Variants in MTCL1 observed in about 807,000 individuals in gnomAD.
MTCL1 encodes the protein microtubule crosslinking factor 1, also known as microtubule cross-linking factor 1.
A neutral mutation model predicts 141.4 loss-of-function variants in MTCL1; 79 were observed. The ratio of observed to expected loss-of-function variants is 0.56; its 90% CI spans 0.47 to 0.67. MTCL1 has a LOEUF of 0.67. MTCL1 is among the 30% of genes least tolerant of loss of function. The pLI is 0.00. For synonymous variants in MTCL1, 914 were observed against 875.8 expected (o/e 1.04, Z -0.77); for missense variants, 2,177 against 2,113.9 (o/e 1.03, Z -0.59).
At chr18:8,825,601 G>T (rs2076997276) in exon 15 of MTCL1, 1 of 1,613,848 alleles carries the variant, frequency 6.2e-7, no homozygotes, top group African/African-American at 1.3e-5. Context: ...CCTTCCCGGA[G>T]CCTTAGGAGC....
chr18:8,718,756 G>T (rs1308181134), intron 3 of MTCL1, 108 bp downstream of exon 2: 2 of 1,005,034 alleles, frequency 2.0e-6, no homozygotes, highest in Non-Finnish European at 3.1e-6. Context: ...TCTACAGATT[G>T]CAGCATAAAC....
Position 8,792,988 on chromosome 18 carries a change from C to T in MTCL1, c.1888-10C>T. On this transcript the variant is annotated splice_polypyrimidine_tract_variant and intron_variant, in intron 7 of 16. Coordinates refer to ENST00000359865, the Ensembl canonical transcript of MTCL1. ...TTCCACTAAACCCCTTCCTTTATCC[C>T]ACCGATCAGCTCAGGGGCCCCCCCG... The T allele has an allele frequency of 6.2e-7, 1 of 1,613,440 alleles. No individual in the cohort carries two copies. Among genetic ancestry groups the T allele is most frequent in the Non-Finnish European group, 8.5e-7 (1 of 1,179,774 alleles).
chr18:8,813,147 G>A (rs760857569), exon 12 of MTCL1: 76 of 1,614,014 alleles, frequency 4.7e-5, no homozygotes, highest in Non-Finnish European at 6.4e-5. Context: ...CTGGAACCGG[G>A]AGAAGGTGGA....
In MTCL1 at chr18:8,806,920, G is replaced by A. The variant is rs1392472048; in HGVS notation, c.2464G>A (p.Ala822Thr). The change falls in exon 11 of 17, where the codon GCC becomes ACC. Residue 822 changes from alanine (A) to threonine (T), a missense_variant. By Grantham distance (58) the Ala-to-Thr change is moderately conservative. Coordinates refer to ENST00000359865, the Ensembl canonical transcript of MTCL1. ...GGTGGAAAACCAGCAGCTGTTCAGC[G>A]CCTTCAAGGCCTTGCTGGAGGACTT... 19 of 1,613,462 alleles carry A rather than the reference G, an allele frequency of 1.2e-5. No individual in the cohort carries two copies. Among genetic ancestry groups the A allele is most frequent in the East Asian group, 4.5e-5 (2 of 44,896 alleles).
At chr18:8,721,085 A>G (rs968165428) in intron 4 of MTCL1, among the ~76,000 whole-genome samples, 3 of 152,210 alleles carry the variant, frequency 2.0e-5, no homozygotes, top group Non-Finnish European at 4.4e-5. Context: ...GAAAATGAAT[A>G]TATATTTTTT....
chr18:8,706,815 C>T lies in MTCL1; in HGVS notation c.1053+102C>T, dbSNP rs1043455937. On this transcript the variant is annotated intron_variant, in intron 1 of 13. Coordinates refer to the MTCL1 transcript ENST00000306329. ...CCTTCCCGGGCCTGTCCAGCGCCTTCTCCCTCCTGCTCTCCACGGTCCTAC... is the reference window on the plus strand; with the variant it reads ...CCTTCCCGGGCCTGTCCAGCGCCTTTTCCCTCCTGCTCTCCACGGTCCTAC... The T allele has an allele frequency of 4.0e-5, 59 of 1,480,098 alleles. No individual in the cohort carries two copies. In the African/African-American group the frequency reaches 7.1e-4, roughly 18 times the overall value. The allele number at this position is 1,480,098 out of a possible 1,614,324, so 91.7% of individuals were successfully genotyped here. A position where few individuals can be genotyped will look rare whatever the true frequency, so the allele number is the denominator to read the frequency against.
upstream of MTCL1, among the ~76,000 whole-genome samples, chr18:8,715,331 C>T (rs1263684219): frequency 1.3e-5 from 2 of 152,142 alleles, no homozygotes; most frequent in Non-Finnish European, 2.9e-5. Flanking sequence ...CTGTATCTTG[C>T]ATCTTAGGGC....
At chr18:8,801,915 C>A (rs1390688216) in intron 10 of MTCL1, 1 of 152,164 alleles carries the variant, frequency 6.6e-6, no homozygotes, top group Non-Finnish European at 1.5e-5. Flanking sequence ...GGGCAGAGGA[C>A]TTCTGTGTGT....
chr18:8,828,450 T>C lies in MTCL1; in HGVS notation c.4723-458T>C, dbSNP rs768116856. Among the ~76,000 whole-genome samples the C allele has an allele frequency of 9.9e-5, 15 of 152,056 alleles. No homozygotes were observed. Among genetic ancestry groups the C allele is most frequent in the Non-Finnish European group, 2.1e-4 (14 of 68,016 alleles). ...CTTCCTCCCTCCCCTAAGTGGAAAATGTGAGGGGAACTTTTTAGAGTAAGT... is the reference window on the plus strand; with the variant it reads ...CTTCCTCCCTCCCCTAAGTGGAAAACGTGAGGGGAACTTTTTAGAGTAAGT... On this transcript the variant is annotated intron_variant, in intron 15 of 16. Coordinates refer to ENST00000359865, the Ensembl canonical transcript of MTCL1. This position sits in a 1 kb window ranked among gnomAD's most constrained non-coding sequence, Gnocchi z 5.2.
At chr18:8,817,252 CTTTTT>C (rs35022661) in intron 12 of MTCL1, among the ~76,000 whole-genome samples, 2 of 118,260 alleles carry the variant, frequency 1.7e-5, no homozygotes, top group Non-Finnish European at 3.3e-5. Context: ...AAAGCCTTCC[CTTTTT>C]TTTTTTTTTT....
At chr18:8,778,115 C>T in intron 5 of MTCL1, 2 of 468,118 alleles carry the variant, frequency 4.3e-6, no homozygotes, top group Non-Finnish European at 7.5e-6. Context: ...CTGGTGATTT[C>T]TTCAGGAAAA....
chr18:8,771,697 ATATTT>A (rs1568004291), intron 4 of MTCL1, among the ~76,000 whole-genome samples: 2 of 152,238 alleles, frequency 1.3e-5, no homozygotes, highest in African/African-American at 4.8e-5. Flanking sequence ...GCCTAACTTC[ATATTT>A]TATTTAATCA....
chr18:8,786,539 T>C (rs2096556650), intron 7 of MTCL1: 10 of 363,690 alleles, frequency 2.7e-5, no homozygotes, highest in South Asian at 2.0e-4. Flanking sequence ...CGAGTGACAC[T>C]GCTGGCAGGT....
intron 1 of MTCL1, among the ~76,000 whole-genome samples, chr18:8,709,120 A>C (rs570502260): frequency 1.3e-5 from 2 of 152,280 alleles, no homozygotes; most frequent in East Asian, 3.9e-4. Context: ...ATGCCTTTGC[A>C]GTGGTGGTTA....
At chr18:8,783,402 G>A (rs931935814) in intron 5 of MTCL1, 128 bp from the exon 5 acceptor site, 35 of 892,894 alleles carry the variant, frequency 3.9e-5, no homozygotes, top group East Asian at 8.1e-5. Flanking sequence ...GTAACTCAGC[G>A]GCACCGATGG....
rs2096056968 is a variant in MTCL1 at position 8,705,827 on chromosome 18, C to A, written c.167C>A (p.Pro56His). 4 of 1,179,066 alleles carry A rather than the reference C, an allele frequency of 3.4e-6. No individual in the cohort carries two copies. Among genetic ancestry groups the A allele is most frequent in the South Asian group, 4.2e-5 (1 of 23,916 alleles). 73.0% of individuals were successfully genotyped at this position (1,179,066 alleles called of 1,614,324 possible). Residue 56 changes from proline to histidine, a missense_variant, in exon 1 of 14, where the codon CCC (proline) becomes CAC (histidine). Physicochemically the swap from Pro to His is moderately conservative, Grantham distance 77. Transcript: ENST00000306329. This position sits in a 1 kb window ranked among gnomAD's most constrained non-coding sequence, Gnocchi z 5.2. ...TTCCTCAAGGACCTGCACGCCCGGCCCGCCGCGCCCGGCCCGGCCGTCCCC... is the reference window on the plus strand; with the variant it reads ...TTCCTCAAGGACCTGCACGCCCGGCACGCCGCGCCCGGCCCGGCCGTCCCC...
chr18:8,751,532 A>G (rs183569691), intron 4 of MTCL1, among the ~76,000 whole-genome samples: 1 of 152,304 alleles, frequency 6.6e-6, no homozygotes, highest in East Asian at 1.9e-4. Flanking sequence ...CTGGACTGCA[A>G]TTTTTGACAC....
At chr18:8,802,722 G>A (rs1055077042) in intron 10 of MTCL1, among the ~76,000 whole-genome samples, 1 of 152,294 alleles carries the variant, frequency 6.6e-6, no homozygotes, top group Admixed American at 6.5e-5. Flanking sequence ...GCTAGGTGAG[G>A]CTGTAATGCC....
At position 8,804,743 on chromosome 18, in the gene MTCL1, C is replaced by G. The variant is rs143028405; in HGVS notation, c.2437-2150C>G. 4.7e-3 allele frequency among the ~76,000 whole-genome samples: 723 copies of G among 152,232 alleles called. 7 individuals are homozygous for G. The highest frequency in any genetic ancestry group is 0.014 in the Middle Eastern group (4 of 294). On this transcript the variant is annotated intron_variant, in intron 10 of 16. Transcript: ENST00000359865. ...GGCACGGTGGCTCATGCCTACAATC[C>G]CATTTTCTGAGGCTGAGGCAGGTGG...
Sources: allele counts gnomAD v4.1 joint callset (sites outside exome capture counted in the v4.1 genomes callset), GRCh38; gene constraint gnomAD v4.1.1; non-coding constraint Gnocchi (gnomAD v3.1); transcripts MANE v1.5; gene names NCBI Gene and HGNC (gene_info 2026-07-23, HGNC 2026-07-21).